Variants in B3GAT2 observed in about 807,000 individuals in gnomAD.
B3GAT2 encodes the protein beta-1,3-glucuronyltransferase 2, also known as galactosylgalactosylxylosylprotein 3-beta-glucuronosyltransferase 2.
A neutral mutation model predicts 27.8 loss-of-function variants in B3GAT2; 26 were observed. The ratio of observed to expected loss-of-function variants is 0.93; its 90% confidence interval spans 0.68 to 1.30. The LOEUF (loss-of-function observed/expected upper bound fraction) is 1.30. B3GAT2 is among the 50% of genes most tolerant of loss of function. The probability of loss-of-function intolerance (pLI) is 0.00; values close to 1 mark genes in which losing one functional copy is unlikely to be tolerated. For synonymous variants in B3GAT2, 218 were observed against 195.1 expected (o/e 1.12, Z -0.98); for missense variants, 458 against 459.0 (o/e 1.00, Z 0.02).
At chr6:70,921,562 G>C (rs541398779) in intron 1 of B3GAT2, among the ~76,000 whole-genome samples, 70 of 152,182 alleles carry the variant, frequency 4.6e-4, no homozygotes, top group African/African-American at 1.7e-3. Context: ...GAATCTCAAT[G>C]ATCTTTTTTC....
Position 70,856,886 on chromosome 6 carries a change from A to T in B3GAT2, c.*4777T>A, listed in dbSNP as rs777092488. ...GACACCCTCTGCACCAGCAGCTGCAACCCTGTCTACAGTAACATCTGGGGA... is the reference window on the plus strand; with the variant it reads ...GACACCCTCTGCACCAGCAGCTGCATCCCTGTCTACAGTAACATCTGGGGA... On this transcript the variant is annotated 3_prime_UTR_variant, in exon 4 of 4. Transcript: ENST00000230053. The T allele has an allele frequency of 2.5e-6, 4 of 1,613,520 alleles. No individual in the cohort carries two copies. In the East Asian group the frequency reaches 8.9e-5, roughly 36 times the overall value.
At chr6:70,876,494 C>G (rs891250293) in intron 2 of B3GAT2, among the ~76,000 whole-genome samples, 2 of 152,184 alleles carry the variant, frequency 1.3e-5, no homozygotes, top group African/African-American at 2.4e-5. Context: ...GGTACTTTCA[C>G]TGTTCTGTGC....
chr6:70,951,214 A>G (rs1234801942), intron 1 of B3GAT2, among the ~76,000 whole-genome samples: 1 of 152,180 alleles, frequency 6.6e-6, no homozygotes, highest in African/African-American at 2.4e-5. Context: ...CGACAACAAA[A>G]AACCTACCAC....
At chr6:70,950,167 C>A in intron 1 of B3GAT2, among the ~76,000 whole-genome samples, 1 of 151,250 alleles carries the variant, frequency 6.6e-6, no homozygotes. Context: ...AACTAACCTG[C>A]ACATTGTGCA....
chr6:70,946,693 A>T (rs1765489584), intron 1 of B3GAT2, among the ~76,000 whole-genome samples: 1 of 152,186 alleles, frequency 6.6e-6, no homozygotes, highest in South Asian at 2.1e-4. Flanking sequence ...GTTAACAAGG[A>T]TACACAGGAA....
In B3GAT2 at chr6:70,860,091, C is replaced by G; in HGVS notation, c.*1572G>C. 8.0e-7 allele frequency: 1 copy of G among 1,251,696 alleles called. No homozygotes were observed. Among genetic ancestry groups the G allele is most frequent in the East Asian group, 2.5e-5 (1 of 40,014 alleles). The allele number at this position is 1,251,696 out of a possible 1,614,324, so 77.5% of individuals were successfully genotyped here. A position where few individuals can be genotyped will look rare whatever the true frequency, so the allele number is the denominator to read the frequency against. On this transcript the variant is annotated 3_prime_UTR_variant, in exon 4 of 4. Transcript: ENST00000230053. ...ATGGTACTCTGTTTTTATTCCAGTG[C>G]TTGGACTAGTTGTCACATTAATGAA...
intron 2 of B3GAT2, among the ~76,000 whole-genome samples, chr6:70,863,495 C>T (rs530305481): frequency 1.2e-4 from 18 of 152,286 alleles, no homozygotes; most frequent in Admixed American, 5.9e-4. Context: ...TCCACCAACC[C>T]TAAAGGGAGG....
chr6:70,914,196 G>A lies in B3GAT2; in HGVS notation c.592-19924C>T, dbSNP rs113960376. ...TGTGCACAACATGCAGGTTTGTTAC[G>A]TGGTTATACATGTGCCATGCTGGTA... On this transcript the variant is annotated intron_variant, in intron 1 of 3. Transcript: ENST00000230053. Among the ~76,000 whole-genome samples, 1,432 of 152,028 alleles carry A rather than the reference G, an allele frequency of 9.4e-3. 11 individuals are homozygous for A. Among genetic ancestry groups the A allele is most frequent in the Middle Eastern group, 0.048 (14 of 294 alleles).
chr6:70,887,994 T>G (rs188831852), intron 2 of B3GAT2, among the ~76,000 whole-genome samples: 15 of 152,292 alleles, frequency 9.8e-5, no homozygotes, highest in African/African-American at 3.4e-4. Flanking sequence ...TCCAAGAGCA[T>G]GAGTAGCCCC....
intron 1 of B3GAT2, among the ~76,000 whole-genome samples, chr6:70,925,131 T>A (rs1562230450): frequency 6.6e-6 from 1 of 152,080 alleles, no homozygotes; most frequent in Admixed American, 6.5e-5. Flanking sequence ...TCCTTTGTCA[T>A]CTCTCTCCCT....
intron 1 of B3GAT2, among the ~76,000 whole-genome samples, chr6:70,915,869 T>C (rs1028699800): frequency 1.1e-4 from 17 of 152,206 alleles, no homozygotes; most frequent in Non-Finnish European, 5.9e-5. Context: ...TTGCCCAGGA[T>C]TGTCTTGGCT....
chr6:70,939,815 A>T lies in B3GAT2; in HGVS notation c.591+16024T>A, dbSNP rs987299965. Among the ~76,000 whole-genome samples the T allele has an allele frequency of 2.0e-5, 3 of 152,088 alleles. No homozygotes were observed. The East Asian group carries it at 5.8e-4, about 29-fold the overall frequency. On this transcript the variant is annotated intron_variant, in intron 1 of 3. Coordinates refer to ENST00000230053, the MANE Select transcript of B3GAT2 (RefSeq NM_080742.3). The stretch of plus-strand genomic sequence containing the variant: ...TGCTAAAAGACTAGTTAATGGGTGC[A>T]GCACACCAGCATGGCACATGTATAC...
chr6:70,901,113 G>A (rs932171538), intron 1 of B3GAT2, among the ~76,000 whole-genome samples: 2 of 152,104 alleles, frequency 1.3e-5, no homozygotes, highest in African/African-American at 4.8e-5. Context: ...AAAACAAAAC[G>A]ATATTTATAT....
intron 1 of B3GAT2, among the ~76,000 whole-genome samples, chr6:70,931,551 G>T (rs886633863): frequency 2.0e-5 from 3 of 152,104 alleles, no homozygotes; most frequent in African/African-American, 4.8e-5. Context: ...AGTGATTTTT[G>T]ATGAGATCAG....
At chr6:70,892,494 G>A (rs955244413) in intron 2 of B3GAT2, among the ~76,000 whole-genome samples, 7 of 152,198 alleles carry the variant, frequency 4.6e-5, no homozygotes, top group Non-Finnish European at 8.8e-5. Flanking sequence ...TGGGAAGTCC[G>A]TGTTGAAACA....
At chr6:70,933,027 T>C (rs1335571404) in intron 1 of B3GAT2, among the ~76,000 whole-genome samples, 3 of 152,294 alleles carry the variant, frequency 2.0e-5, no homozygotes, top group Non-Finnish European at 4.4e-5. Context: ...CTCGAACTCC[T>C]GGGCTAAGCC....
chr6:70,897,192 C>A (rs1180000939), intron 1 of B3GAT2, among the ~76,000 whole-genome samples: 1 of 151,716 alleles, frequency 6.6e-6, no homozygotes, highest in Non-Finnish European at 1.5e-5. Context: ...GTATCTCTTC[C>A]TTGGCAAAAA....
At chr6:70,863,086 T>C (rs1771790122) in intron 2 of B3GAT2, among the ~76,000 whole-genome samples, 2 of 152,208 alleles carry the variant, frequency 1.3e-5, no homozygotes, top group Admixed American at 1.3e-4. Context: ...GTAATAATTG[T>C]TTTGAAGGTC....
intron 1 of B3GAT2, among the ~76,000 whole-genome samples, chr6:70,897,673 AT>A (rs1772413707): frequency 1.3e-3 from 32 of 24,426 alleles, no homozygotes; most frequent in South Asian, 7.9e-3. Flanking sequence ...AAAAAAAAAT[AT>A]ATATATATAT....
Sources: gnomAD v4.1 joint callset for allele counts (sites outside exome capture counted in the v4.1 genomes callset) on GRCh38, gnomAD v4.1.1 for gene constraint, MANE v1.5 for transcripts, NCBI Gene and HGNC (gene_info 2026-07-23, HGNC 2026-07-21) for gene names.